SLC1A4: variants seen among roughly 807,000 people sequenced by gnomAD.
SLC1A4 encodes neutral amino acid transporter A.
In SLC1A4, 19 loss-of-function variants were observed where a neutral mutation model predicts 37.7. The observed-to-expected ratio is 0.50, with a 90% CI of 0.35 to 0.74. SLC1A4 has a LOEUF of 0.74. Among genes scored for constraint, SLC1A4 ranks in the 30% least tolerant of loss-of-function variants. The pLI, the probability that SLC1A4 is intolerant of heterozygous loss-of-function variation, is 0.01. For synonymous variants in SLC1A4, 299 were observed against 309.8 expected (o/e 0.97, Z 0.37); for missense variants, 570 against 712.9 (o/e 0.80, Z 2.28).
intron 3 of SLC1A4, among the ~76,000 whole-genome samples, chr2:65,009,952 G>A (rs1221567683): frequency 2.7e-5 from 4 of 148,684 alleles, no homozygotes; most frequent in South Asian, 4.2e-4. Flanking sequence ...TTTTTTTTGA[G>A]CCGGAGTCTC....
rs999051116 is a variant in SLC1A4, at chr2:65,018,873, C to A, written c.1364+194C>A. Among the ~76,000 whole-genome samples the A allele has an allele frequency of 1.7e-4, 26 of 152,250 alleles. No individual in the cohort carries two copies. Among genetic ancestry groups the A allele is most frequent in the Non-Finnish European group, 2.9e-4 (20 of 68,044 alleles). On this transcript the variant is annotated intron_variant, in intron 7 of 7. Transcript: ENST00000234256. The surrounding 1 kb of genome is among the most constrained non-coding windows in gnomAD (Gnocchi z 4.3). ...AATATGAGAGTCACATGCCCCCAAA[C>A]ATCCAGGAATGACCATGAGATGTCA...
chr2:64,993,749 T>C (rs1039201416), intron 1 of SLC1A4, among the ~76,000 whole-genome samples: 6 of 152,252 alleles, frequency 3.9e-5, no homozygotes, highest in African/African-American at 2.4e-5. Context: ...CCATAACTTT[T>C]CCATTCCTTG....
chr2:65,018,527 T>G lies in SLC1A4; in HGVS notation c.1230-18T>G. On this transcript the variant is annotated intron_variant, in intron 6 of 7. Coordinates refer to ENST00000234256, the MANE Select transcript of SLC1A4 (RefSeq NM_003038.5). The surrounding 1 kb of genome is among the most constrained non-coding windows in gnomAD (Gnocchi z 4.3). ...CACGCTCTATGTTAATGGCTGGCCC[T>G]GCTCTGCCATCCCTTAGAGTGACTG... 6.2e-7 allele frequency: 1 copy of G among 1,613,670 alleles called. No individual in the cohort carries two copies. The highest frequency in any genetic ancestry group is 8.5e-7 in the Non-Finnish European group (1 of 1,179,812).
chr2:65,012,007 G>A (rs1229208836), intron 4 of SLC1A4, among the ~76,000 whole-genome samples: 2 of 151,308 alleles, frequency 1.3e-5, no homozygotes, highest in African/African-American at 2.4e-5. Flanking sequence ...GACCTCAGGC[G>A]ATCCGCCTGC....
chr2:65,013,759 C>CT (rs1334281452), intron 4 of SLC1A4, among the ~76,000 whole-genome samples: 47 of 152,174 alleles, frequency 3.1e-4, no homozygotes, highest in Non-Finnish European at 4.4e-5. Flanking sequence ...TTTCTGCAAT[C>CT]TTTCTTTTAC....
chr2:65,011,934 A>G (rs567695541), intron 4 of SLC1A4, among the ~76,000 whole-genome samples: 1 of 150,020 alleles, frequency 6.7e-6, no homozygotes, highest in South Asian at 2.1e-4. Flanking sequence ...ATGCCCGGCT[A>G]ATTTTTGTAT....
intron 1 of SLC1A4, among the ~76,000 whole-genome samples, chr2:64,996,992 TC>T (rs1480039024): frequency 1.3e-5 from 2 of 152,280 alleles, no homozygotes; most frequent in Non-Finnish European, 2.9e-5. Flanking sequence ...TACCGCAGCA[TC>T]TGTGTCTGAA....
intron 1 of SLC1A4, chr2:64,994,865 TTAAAA>T (rs1227141616): frequency 6.6e-6 from 1 of 152,194 alleles, no homozygotes; most frequent in Non-Finnish European, 1.5e-5. Flanking sequence ...ATTTTTTAAA[TTAAAA>T]TAAATAGTAA....
chr2:64,998,003 G>C (rs897074833), intron 1 of SLC1A4, among the ~76,000 whole-genome samples: 2 of 152,142 alleles, frequency 1.3e-5, no homozygotes, highest in East Asian at 1.9e-4. Flanking sequence ...GGAGGCTGAG[G>C]GGGGCAGATC....
At chr2:65,010,575 T>A in intron 3 of SLC1A4, 22 bp from the exon 4 acceptor site, 1 of 1,581,416 alleles carries the variant, frequency 6.3e-7, no homozygotes, top group African/African-American at 1.4e-5. Flanking sequence ...GTAAACTTGT[T>A]CTATCCTCTC....
chr2:65,018,264 CTG>C lies in SLC1A4; in HGVS notation c.1229+1_1229+2del. The C allele has an allele frequency of 1.9e-6, 3 of 1,610,490 alleles. No individual in the cohort carries two copies. Among genetic ancestry groups the C allele is most frequent in the Non-Finnish European group, 1.7e-6 (2 of 1,177,162 alleles). On this transcript the variant is annotated splice_donor_variant and coding_sequence_variant, in exon 6 of 8. Transcript: ENST00000234256. LOFTEE classifies it high-confidence loss of function. This position sits in a 1 kb window ranked among gnomAD's most constrained non-coding sequence, Gnocchi z 4.3. ...CAACGCAGGACAGATTTTCACCATT[CTG>C]TAAGTTCCTCATTCTTTCCCTGGCT...
intron 3 of SLC1A4, among the ~76,000 whole-genome samples, chr2:65,007,396 A>G (rs1237398900): frequency 6.6e-6 from 1 of 152,110 alleles, no homozygotes; most frequent in Non-Finnish European, 1.5e-5. Context: ...GGCAGCAGGA[A>G]CAGAATCTGC....
chr2:65,018,163 C>A lies in SLC1A4; in HGVS notation c.1127C>A (p.Thr376Asn). ...ISRFILPIGA[T>N]VNMDGAAIFQ... ...AGGTTTATTCTCCCCATCGGGGCCA[C>A]CGTGAACATGGACGGAGCAGCCATC... The change falls in exon 6 of 8, where the codon ACC becomes AAC. Residue 376 changes from threonine to asparagine, a missense_variant. Coordinates refer to ENST00000234256, the MANE Select transcript of SLC1A4 (RefSeq NM_003038.5). This position sits in a 1 kb window ranked among gnomAD's most constrained non-coding sequence, Gnocchi z 4.3. The A allele has an allele frequency of 6.2e-7, 1 of 1,614,174 alleles. No homozygotes were observed. The highest frequency in any genetic ancestry group is 1.3e-5 in the African/African-American group (1 of 75,034).
At chr2:64,991,593 T>TTTTTTGTTTG (rs1553370740) in intron 1 of SLC1A4, among the ~76,000 whole-genome samples, 1 of 143,406 alleles carries the variant, frequency 7.0e-6, no homozygotes, top group African/African-American at 2.6e-5. Context: ...ACACCCAGCT[T>TTTTTTGTTTG]TTTGTTTGTT....
chr2:65,019,485 G>A (rs751062580), intron 7 of SLC1A4, among the ~76,000 whole-genome samples: 2 of 152,108 alleles, frequency 1.3e-5, no homozygotes, highest in African/African-American at 2.4e-5. Context: ...GAGTTAGCAC[G>A]GGAACAGCAC....
rs1244950831 is a variant in SLC1A4, at chr2:65,023,420, C to T, written c.*2274C>T. ...GGATAGAGGGGAACTTAACTATTAA[C>T]TACAAGTTGTATGTCTGTGGTATCT... On this transcript the variant is annotated 3_prime_UTR_variant, in exon 8 of 8. Coordinates refer to ENST00000234256, the MANE Select transcript of SLC1A4 (RefSeq NM_003038.5). 6.6e-6 allele frequency: 1 copy of T among 152,216 alleles called. No homozygotes were observed. The highest frequency in any genetic ancestry group is 1.5e-5 in the Non-Finnish European group (1 of 68,044). 9.4% of individuals were successfully genotyped at this position (152,216 alleles called of 1,614,324 possible).
At chr2:65,015,162 A>G (rs1174632689) in intron 4 of SLC1A4, among the ~76,000 whole-genome samples, 1 of 152,246 alleles carries the variant, frequency 6.6e-6, no homozygotes, top group Non-Finnish European at 1.5e-5. Flanking sequence ...AGTGATTCTC[A>G]GGAACTGTGA....
intron 3 of SLC1A4, among the ~76,000 whole-genome samples, chr2:65,007,278 GTGTGT>G: frequency 6.6e-6 from 1 of 151,506 alleles, no homozygotes; most frequent in South Asian, 2.1e-4. Context: ...GTTTGTGTGT[GTGTGT>G]GTGTGTCTGT....
intron 3 of SLC1A4, among the ~76,000 whole-genome samples, chr2:65,006,115 A>G (rs1673661331): frequency 6.6e-6 from 1 of 152,240 alleles, no homozygotes; most frequent in Non-Finnish European, 1.5e-5. Context: ...TCCACTGGAA[A>G]TACTGGTTAC....
Sources: allele counts gnomAD v4.1 joint callset (sites outside exome capture counted in the v4.1 genomes callset), GRCh38; gene constraint gnomAD v4.1.1; non-coding constraint Gnocchi (gnomAD v3.1); transcripts MANE v1.5; gene names NCBI Gene and HGNC (gene_info 2026-07-23, HGNC 2026-07-21).